The following STK24 variants were observed in gnomAD, a reference collection of about 807,000 sequenced individuals.
STK24 encodes serine/threonine kinase 24, also known as serine/threonine-protein kinase 24.
A neutral mutation model predicts 55.6 loss-of-function variants in STK24; 21 were observed. The observed-to-expected ratio is 0.38, with a 90% confidence interval of 0.27 to 0.54. The LOEUF is 0.54. Ranked by LOEUF, STK24 falls within the 20% of genes least tolerant of loss-of-function variation. The probability of loss-of-function intolerance (pLI) is 0.79; values close to 1 mark genes in which losing one functional copy is unlikely to be tolerated. For synonymous variants in STK24, 200 were observed against 215.2 expected (o/e 0.93, Z 0.62); for missense variants, 383 against 538.4 (o/e 0.71, Z 2.86).
chr13:98,477,650 G>A (rs1176646260), intron 3 of STK24, among the ~76,000 whole-genome samples: 1 of 151,604 alleles, frequency 6.6e-6, no homozygotes, highest in Non-Finnish European at 1.5e-5. Context: ...ACTCCAGCCT[G>A]GGTGACAGAG....
intron 1 of STK24, among the ~76,000 whole-genome samples, chr13:98,540,830 A>C (rs1368158323): frequency 6.6e-6 from 1 of 151,806 alleles, no homozygotes; most frequent in African/African-American, 2.4e-5. Context: ...GCCCACCAAG[A>C]GTTTTGCCTA....
intron 1 of STK24, among the ~76,000 whole-genome samples, chr13:98,562,334 A>C (rs769966084): frequency 3.3e-5 from 5 of 152,130 alleles, no homozygotes; most frequent in Non-Finnish European, 5.9e-5. Context: ...ACTTCACATG[A>C]TTCTTTTATA....
At chr13:98,568,888 A>G (rs75328733) in intron 1 of STK24, among the ~76,000 whole-genome samples, 8,804 of 152,030 alleles carry the variant, frequency 0.058, 534 homozygotes, top group African/African-American at 0.15. Context: ...AAAAGATAAA[A>G]GAATATTTGA....
chr13:98,521,093 G>A (rs908841012), intron 1 of STK24, among the ~76,000 whole-genome samples: 1 of 152,216 alleles, frequency 6.6e-6, no homozygotes, highest in Non-Finnish European at 1.5e-5. Context: ...CATGGCCAGC[G>A]TAATCCGAGG....
At chr13:98,570,419 C>T (rs963701031) in intron 1 of STK24, among the ~76,000 whole-genome samples, 1 of 152,076 alleles carries the variant, frequency 6.6e-6, no homozygotes, top group Non-Finnish European at 1.5e-5. Flanking sequence ...AACCTTACGG[C>T]CTAAAATTCT....
Position 98,448,473 on chromosome 13 carries a change from C to G in STK24, c.*4700G>C. The stretch of plus-strand genomic sequence containing the variant: ...TCTCCACAGCCGCGTTTTTTAACCC[C>G]GACCTCTCAGCGTCTGAATGAACAG... On this transcript the variant is annotated 3_prime_UTR_variant, in exon 11 of 11. Transcript: ENST00000539966. The G allele has an allele frequency of 1.6e-6, 1 of 631,444 alleles. No individual in the cohort carries two copies. The highest frequency in any genetic ancestry group is 1.8e-5 in the African/African-American group (1 of 54,718). 39.1% of individuals were successfully genotyped at this position (631,444 alleles called of 1,614,324 possible). A position where few individuals can be genotyped will look rare whatever the true frequency, so the allele number is the denominator to read the frequency against.
chr13:98,547,485 C>A (rs141462476), intron 1 of STK24, among the ~76,000 whole-genome samples: 1 of 152,284 alleles, frequency 6.6e-6, no homozygotes, highest in African/African-American at 2.4e-5. Flanking sequence ...CAGTTCGAGG[C>A]TATAGTTAGC....
At chr13:98,473,108 T>A (rs1190043355) in intron 5 of STK24, among the ~76,000 whole-genome samples, 1 of 151,154 alleles carries the variant, frequency 6.6e-6, no homozygotes, top group Non-Finnish European at 1.5e-5. Flanking sequence ...CTCCCCCATA[T>A]GAATTTAAGA....
chr13:98,490,540 A>G (rs1178595189), intron 2 of STK24, among the ~76,000 whole-genome samples: 13 of 152,268 alleles, frequency 8.5e-5, no homozygotes, highest in African/African-American at 3.1e-4. Context: ...CAGCAACACA[A>G]TTAAAGGGGT....
intron 5 of STK24, among the ~76,000 whole-genome samples, chr13:98,470,307 G>T (rs921220995): frequency 2.5e-4 from 8 of 32,292 alleles, no homozygotes; most frequent in South Asian, 5.8e-4. Context: ...GGTGGGAGTC[G>T]GGGGGGCAAG....
chr13:98,447,824 G>A lies in STK24; in HGVS notation c.*5349C>T, dbSNP rs1301775582. On this transcript the variant is annotated 3_prime_UTR_variant, in exon 11 of 11. Transcript: ENST00000539966. ...TGCACCACTGAACTCCAGTATGAGT[G>A]ACAGAGCCAGACCCTGTCTCAAAAA... The A allele has an allele frequency of 5.6e-6, 1 of 179,168 alleles. No homozygotes were observed. Among genetic ancestry groups the A allele is most frequent in the African/African-American group, 2.4e-5 (1 of 41,096 alleles). 11.1% of individuals were successfully genotyped at this position (179,168 alleles called of 1,614,324 possible).
intron 2 of STK24, among the ~76,000 whole-genome samples, chr13:98,496,150 A>G (rs1895245345): frequency 6.6e-6 from 1 of 152,174 alleles, no homozygotes; most frequent in Non-Finnish European, 1.5e-5. Context: ...GGGATGATTT[A>G]AGCAGATGAG....
In STK24 at chr13:98,451,375, A is replaced by G. The variant is rs969203379; in HGVS notation, c.*1798T>C. 7.2e-5 allele frequency: 11 copies of G among 152,204 alleles called. No individual in the cohort carries two copies. Among genetic ancestry groups the G allele is most frequent in the African/African-American group, 2.7e-4 (11 of 41,452 alleles). The allele number at this position is 152,204 out of a possible 1,614,324, so 9.4% of individuals were successfully genotyped here. On this transcript the variant is annotated 3_prime_UTR_variant, in exon 11 of 11. Coordinates refer to ENST00000539966, the MANE Select transcript of STK24 (RefSeq NM_001032296.4). ...ATCTTCTCCAATTTTATTATTCAACATAACATTCTTGTATGGAGTAATGAG... is the reference window on the plus strand; with the variant it reads ...ATCTTCTCCAATTTTATTATTCAACGTAACATTCTTGTATGGAGTAATGAG...
At chr13:98,557,331 G>T (rs1897308799) in intron 1 of STK24, among the ~76,000 whole-genome samples, 1 of 152,208 alleles carries the variant, frequency 6.6e-6, no homozygotes, top group African/African-American at 2.4e-5. Context: ...CCACTCATCT[G>T]AAACAGAATT....
chr13:98,496,915 A>G (rs527451108), intron 2 of STK24, among the ~76,000 whole-genome samples: 3 of 152,338 alleles, frequency 2.0e-5, no homozygotes, highest in Non-Finnish European at 4.4e-5. Flanking sequence ...GAAGTCACAA[A>G]ACAGACAGTG....
intron 5 of STK24, among the ~76,000 whole-genome samples, chr13:98,473,793 G>T (rs557908209): frequency 6.6e-6 from 1 of 152,244 alleles, no homozygotes; most frequent in Non-Finnish European, 1.5e-5. Context: ...AACCAGGTAC[G>T]CCTGCAACTT....
At chr13:98,542,011 G>C (rs1722158230) in intron 1 of STK24, among the ~76,000 whole-genome samples, 1 of 152,206 alleles carries the variant, frequency 6.6e-6, no homozygotes, top group Non-Finnish European at 1.5e-5. Context: ...CAGAACACAA[G>C]TGAGTCAAAG....
In STK24 at chr13:98,501,815, C is replaced by T. The variant is rs76037477; in HGVS notation, c.273+17428G>A. ...CCCTAGCCCTGTCTGCTCTCCGACACGGCCCAAGGTCCCCATTTGGCTTTC... is the reference window on the plus strand; with the variant it reads ...CCCTAGCCCTGTCTGCTCTCCGACATGGCCCAAGGTCCCCATTTGGCTTTC... On this transcript the variant is annotated intron_variant, in intron 2 of 10. Transcript: ENST00000539966. 7.2e-3 allele frequency among the ~76,000 whole-genome samples: 1,092 copies of T among 152,290 alleles called. 12 individuals are homozygous for T. Among genetic ancestry groups the T allele is most frequent in the African/African-American group, 0.025 (1,023 of 41,554 alleles).
At chr13:98,554,065 T>A in intron 1 of STK24, among the ~76,000 whole-genome samples, 1 of 129,800 alleles carries the variant, frequency 7.7e-6, no homozygotes, top group Non-Finnish European at 1.6e-5. Flanking sequence ...CAAGACTCAG[T>A]CTCAAAAAAA....
Sources: gnomAD v4.1 joint callset for allele counts (sites outside exome capture counted in the v4.1 genomes callset) on GRCh38, gnomAD v4.1.1 for gene constraint, MANE v1.5 for transcripts, NCBI Gene and HGNC (gene_info 2026-07-23, HGNC 2026-07-21) for gene names.